The following TMCO5A variants were observed in gnomAD, a reference collection of about 807,000 sequenced individuals.
TMCO5A encodes transmembrane and coiled-coil domains 5A.
In TMCO5A, 34 loss-of-function variants were observed where a neutral mutation model predicts 42.3. The observed-to-expected ratio is 0.80, with a 90% CI of 0.61 to 1.07. TMCO5A has a LOEUF of 1.07. Among genes scored for constraint, TMCO5A ranks in the 50% least tolerant of loss-of-function variants. TMCO5A has a pLI of 0.00. For missense variants in TMCO5A, 357 were observed against 327.9 expected, an observed-to-expected ratio of 1.09 and a Z score of -0.69; for synonymous variants, 131 against 115.6, an observed-to-expected ratio of 1.13 and a Z score of -0.86.
intron 2 of TMCO5A, chr15:37,935,963 G>A (rs1474682847): frequency 6.2e-6 from 1 of 162,018 alleles, no homozygotes; most frequent in Non-Finnish European, 1.3e-5. Flanking sequence ...TGTATGAGCA[G>A]GTTTTGTGAA....
chr15:38,005,173 TAGAG>T, the TMCO5A span, among the ~76,000 whole-genome samples: 9 of 148,678 alleles, frequency 6.1e-5, no homozygotes, highest in African/African-American at 2.2e-4. Context: ...TAAGGGCACC[TAGAG>T]AGAGGATCCT....
In TMCO5A at chr15:37,943,453, A is replaced by G. The variant is rs1031865703; in HGVS notation, c.627+55A>G. The stretch of plus-strand genomic sequence containing the variant: ...CACAGTGTCATTGCCTTTCAAAGCC[A>G]TCTCCAGCAAACTATAAGGCACCAA... On this transcript the variant is annotated intron_variant, in intron 10 of 11. Coordinates refer to ENST00000319669, the MANE Select transcript of TMCO5A (RefSeq NM_152453.4). 5 of 1,574,716 alleles carry G rather than the reference A, an allele frequency of 3.2e-6. No individual in the cohort carries two copies. The African/African-American group carries it at 6.8e-5, about 21-fold the overall frequency.
chr15:38,021,900 C>G, the TMCO5A span, among the ~76,000 whole-genome samples: 2 of 151,364 alleles, frequency 1.3e-5, no homozygotes, highest in Admixed American at 6.6e-5. Context: ...ACCTCCACCT[C>G]CTGGGTTCAA....
the TMCO5A span, among the ~76,000 whole-genome samples, chr15:37,983,302 G>A: frequency 2.6e-5 from 4 of 152,094 alleles, no homozygotes; most frequent in Non-Finnish European, 5.9e-5. Context: ...ATCATTATGC[G>A]CAGTTTCAGT....
the TMCO5A span, among the ~76,000 whole-genome samples, chr15:38,033,608 GTTTT>G: frequency 1.3e-5 from 2 of 150,650 alleles, no homozygotes; most frequent in African/African-American, 5.0e-5. Flanking sequence ...GTTTGTTTGG[GTTTT>G]TTTGTTTTGT....
At chr15:38,027,874 G>A in the TMCO5A span, among the ~76,000 whole-genome samples, 3 of 152,188 alleles carry the variant, frequency 2.0e-5, no homozygotes, top group South Asian at 2.1e-4. Context: ...CATGTAAGAC[G>A]TGCCTTTGCT....
At chr15:37,959,616 G>A (rs749992375) in intron 11 of TMCO5A, among the ~76,000 whole-genome samples, 18 of 152,114 alleles carry the variant, frequency 1.2e-4, no homozygotes, top group Non-Finnish European at 2.1e-4. Context: ...TGCTGAAAAA[G>A]CAATTGATAT....
the TMCO5A span, among the ~76,000 whole-genome samples, chr15:38,002,696 CT>C: frequency 1.8e-3 from 267 of 151,978 alleles, 2 homozygotes; most frequent in African/African-American, 6.1e-3. Context: ...CTGCTTGATT[CT>C]TTTTTTAAAA....
intron 6 of TMCO5A, among the ~76,000 whole-genome samples, chr15:37,939,277 T>C (rs747774300): frequency 1.2e-4 from 18 of 152,096 alleles, no homozygotes; most frequent in Non-Finnish European, 2.5e-4. Flanking sequence ...TACTCCCCTA[T>C]CTTCTGCTGG....
downstream of TMCO5A, among the ~76,000 whole-genome samples, chr15:37,955,386 T>C (rs1339392554): frequency 6.6e-6 from 1 of 151,888 alleles, no homozygotes; most frequent in African/African-American, 2.4e-5. Flanking sequence ...CAGGACCTGA[T>C]GACTTCACTC....
the TMCO5A span, among the ~76,000 whole-genome samples, chr15:37,990,522 G>A: frequency 2.0e-5 from 3 of 151,914 alleles, no homozygotes; most frequent in Admixed American, 6.6e-5. Flanking sequence ...TGAATTGCTC[G>A]ATGACAGCAT....
chr15:37,943,235 G>A (rs889156357), intron 9 of TMCO5A, 106 bp from the exon 10 acceptor site: 5 of 991,224 alleles, frequency 5.0e-6, no homozygotes, highest in Non-Finnish European at 7.4e-6. Flanking sequence ...TTACAATATT[G>A]GACAGTACAG....
At chr15:38,019,060 A>G in the TMCO5A span, among the ~76,000 whole-genome samples, 1 of 152,184 alleles carries the variant, frequency 6.6e-6, no homozygotes, top group Non-Finnish European at 1.5e-5. Context: ...ATATATTCTG[A>G]GAGAGAAATA....
chr15:38,035,805 C>T, the TMCO5A span, among the ~76,000 whole-genome samples: 29 of 152,318 alleles, frequency 1.9e-4, no homozygotes, highest in Non-Finnish European at 2.9e-4. Context: ...AGGGCACTCA[C>T]AGGAGGCAAG....
In TMCO5A at chr15:37,937,234, T is replaced by C; in HGVS notation, c.265-112T>C. 11 of 1,307,570 alleles carry C rather than the reference T, an allele frequency of 8.4e-6. No individual in the cohort carries two copies. In the South Asian group the frequency reaches 1.4e-4, roughly 17 times the overall value. The allele number at this position is 1,307,570 out of a possible 1,614,324, so 81.0% of individuals were successfully genotyped here. On this transcript the variant is annotated intron_variant, in intron 4 of 11. Coordinates refer to ENST00000319669, the MANE Select transcript of TMCO5A (RefSeq NM_152453.4). ...CAATATACACATGACATTATGCAAA[T>C]AAGGTCAAGTTACTGCAGGAAAATA... is the stretch of plus-strand genomic sequence containing the variant.
At chr15:38,005,991 C>T in the TMCO5A span, among the ~76,000 whole-genome samples, 1 of 152,166 alleles carries the variant, frequency 6.6e-6, no homozygotes, top group African/African-American at 2.4e-5. Flanking sequence ...GATAGCTGCA[C>T]AGAATGATAA....
At chr15:37,993,062 TTTC>T in the TMCO5A span, among the ~76,000 whole-genome samples, 1 of 152,278 alleles carries the variant, frequency 6.6e-6, no homozygotes, top group East Asian at 1.9e-4. Flanking sequence ...AGCTCCAAAA[TTTC>T]TTTTTAGTTT....
At chr15:37,978,938 C>T in the TMCO5A span, among the ~76,000 whole-genome samples, 21 of 151,828 alleles carry the variant, frequency 1.4e-4, no homozygotes, top group African/African-American at 4.8e-4. Flanking sequence ...CAAGGTGGGT[C>T]GAGGGGCATT....
the TMCO5A span, among the ~76,000 whole-genome samples, chr15:38,013,498 A>G: frequency 3.3e-5 from 5 of 152,170 alleles, no homozygotes; most frequent in African/African-American, 1.2e-4. Flanking sequence ...CAGTAATTCA[A>G]TAACAGCCAC....
Sources: gnomAD v4.1 joint callset for allele counts (sites outside exome capture counted in the v4.1 genomes callset) on GRCh38, gnomAD v4.1.1 for gene constraint, MANE v1.5 for transcripts, NCBI Gene and HGNC (gene_info 2026-07-23, HGNC 2026-07-21) for gene names.